TOP6BL: variants seen among roughly 807,000 people sequenced by gnomAD.
TOP6BL encodes the protein TOP6B like initiator of meiotic double strand breaks, also known as type 2 DNA topoisomerase 6 subunit B-like.
the TOP6BL span, among the ~76,000 whole-genome samples, chr11:66,775,135 A>AAG: frequency 6.7e-6 from 1 of 150,098 alleles, no homozygotes; most frequent in Admixed American, 6.6e-5. Flanking sequence ...AAAAAAAAAA[A>AAG]GCTCCACAAA....
the TOP6BL span, among the ~76,000 whole-genome samples, chr11:66,749,772 A>G: frequency 3.3e-5 from 5 of 152,106 alleles, no homozygotes; most frequent in African/African-American, 9.7e-5. Context: ...AGGTTTCACC[A>G]TATTGGCCAG....
the TOP6BL span, among the ~76,000 whole-genome samples, chr11:66,762,863 A>G: frequency 3.3e-5 from 5 of 152,234 alleles, no homozygotes; most frequent in Admixed American, 2.0e-4. Context: ...ATATATAGGA[A>G]ACAATTCTAC....
the TOP6BL span, among the ~76,000 whole-genome samples, chr11:66,838,966 T>C: frequency 6.6e-6 from 1 of 152,074 alleles, no homozygotes; most frequent in Admixed American, 6.5e-5. Context: ...CTCCTGACCT[T>C]GTGATCCGCC....
chr11:66,837,255 T>C, the TOP6BL span, among the ~76,000 whole-genome samples: 1 of 151,854 alleles, frequency 6.6e-6, no homozygotes, highest in Admixed American at 6.6e-5. Context: ...GCCTACCGCA[T>C]AGCTGGGACT....
chr11:66,799,484 T>G, the TOP6BL span, among the ~76,000 whole-genome samples: 1 of 151,214 alleles, frequency 6.6e-6, no homozygotes, highest in East Asian at 2.0e-4. Context: ...GGTGGGTGGA[T>G]CACTCACTTG....
At chr11:66,746,714 C>CA in the TOP6BL span, among the ~76,000 whole-genome samples, 1,776 of 143,130 alleles carry the variant, frequency 0.012, 39 homozygotes, top group African/African-American at 0.039. Flanking sequence ...AACTCCATCT[C>CA]AAAAAAAAAA....
the TOP6BL span, among the ~76,000 whole-genome samples, chr11:66,787,846 A>G: frequency 2.0e-5 from 3 of 152,222 alleles, no homozygotes; most frequent in African/African-American, 7.2e-5. Context: ...AAATACAAGA[A>G]TATCAGAACT....
At chr11:66,800,606 A>C in the TOP6BL span, 1 of 1,534,540 alleles carries the variant, frequency 6.5e-7, no homozygotes, top group South Asian at 1.2e-5. Context: ...ATCTTGGCTC[A>C]TGTTAAATCT....
the TOP6BL span, among the ~76,000 whole-genome samples, chr11:66,819,134 C>T: frequency 6.6e-6 from 1 of 152,152 alleles, no homozygotes; most frequent in African/African-American, 2.4e-5. Flanking sequence ...TCTCTAGAGC[C>T]TCTTTTTTAG....
the TOP6BL span, among the ~76,000 whole-genome samples, chr11:66,807,154 T>G: frequency 6.6e-6 from 1 of 152,166 alleles, no homozygotes; most frequent in Non-Finnish European, 1.5e-5. Flanking sequence ...GGAGGTGATG[T>G]TTTAAAAAAG....
the TOP6BL span, among the ~76,000 whole-genome samples, chr11:66,832,486 G>A: frequency 1.1e-4 from 16 of 152,210 alleles, no homozygotes; most frequent in South Asian, 2.1e-4. Context: ...TCCTGATTGG[G>A]TGGGGAAGTT....
chr11:66,770,326 C>T, the TOP6BL span, among the ~76,000 whole-genome samples: 1 of 152,052 alleles, frequency 6.6e-6, no homozygotes, highest in African/African-American at 2.4e-5. Flanking sequence ...CAACATTTAT[C>T]CTAAAAAGAT....
At chr11:66,813,064 GAGGA>G in the TOP6BL span, among the ~76,000 whole-genome samples, 1 of 152,144 alleles carries the variant, frequency 6.6e-6, no homozygotes, top group African/African-American at 2.4e-5. Context: ...GAGACAATCC[GAGGA>G]AGTTTCCTTC....
chr11:66,760,313 G>T, the TOP6BL span, among the ~76,000 whole-genome samples: 9 of 151,082 alleles, frequency 6.0e-5, no homozygotes, highest in African/African-American at 2.2e-4. Flanking sequence ...GCATGGTGGT[G>T]CATACCTATC....
the TOP6BL span, among the ~76,000 whole-genome samples, chr11:66,841,123 T>TG: frequency 2.7e-5 from 4 of 145,732 alleles, no homozygotes; most frequent in African/African-American, 1.0e-4. Flanking sequence ...TTTTTTTTTT[T>TG]TTTTTTTTTT....
At chr11:66,843,385 G>A in the TOP6BL span, 2 of 1,430,672 alleles carry the variant, frequency 1.4e-6, no homozygotes, top group East Asian at 2.6e-5. Context: ...GCGTGGAGCC[G>A]CGCCGCGGCC....
chr11:66,831,734 G>A, the TOP6BL span, among the ~76,000 whole-genome samples: 10 of 152,032 alleles, frequency 6.6e-5, no homozygotes, highest in Non-Finnish European at 1.0e-4. Context: ...GGTGGCTCAC[G>A]CCTGTAATCC....
the TOP6BL span, chr11:66,843,028 GC>G: frequency 6.4e-7 from 1 of 1,555,138 alleles, no homozygotes. Flanking sequence ...TCACGGCAGG[GC>G]CCTGGCGCCG....
chr11:66,748,607 A>T, the TOP6BL span: 12 of 1,016,870 alleles, frequency 1.2e-5, no homozygotes, highest in Non-Finnish European at 1.5e-5. Context: ...ATCTTTTATC[A>T]TGTTATTCCA....
Sources: gnomAD v4.1 joint callset for allele counts (sites outside exome capture counted in the v4.1 genomes callset) on GRCh38, gnomAD v4.1.1 for gene constraint, MANE v1.5 for transcripts, NCBI Gene and HGNC (gene_info 2026-07-23, HGNC 2026-07-21) for gene names.